NKAIN2: variants seen among roughly 807,000 people sequenced by gnomAD.
The protein encoded by NKAIN2 is sodium/potassium-transporting ATPase subunit beta-1-interacting protein 2.
A neutral mutation model predicts 32.6 loss-of-function variants in NKAIN2; 14 were observed. That is an observed-to-expected ratio of 0.43 (90% CI 0.28 to 0.67). NKAIN2 has a LOEUF of 0.67. Among genes scored for constraint, NKAIN2 ranks in the 30% least tolerant of loss-of-function variants. The pLI is 0.17. For missense variants in NKAIN2, 198 were observed against 258.3 expected, an observed-to-expected ratio of 0.77 and a Z score of 1.60; for synonymous variants, 80 against 87.2, an observed-to-expected ratio of 0.92 and a Z score of 0.46.
chr6:123,991,010 G>A (rs1779387790), intron 1 of NKAIN2, among the ~76,000 whole-genome samples: 1 of 152,044 alleles, frequency 6.6e-6, no homozygotes, highest in Non-Finnish European at 1.5e-5. Flanking sequence ...ATCTTCCAAA[G>A]GCATAAATTT....
At chr6:123,887,985 C>CTTAAA (rs1394999845) in intron 1 of NKAIN2, among the ~76,000 whole-genome samples, 2 of 152,040 alleles carry the variant, frequency 1.3e-5, no homozygotes, top group Admixed American at 1.3e-4. Flanking sequence ...GATGAGAATA[C>CTTAAA]TACTCGTATT....
At chr6:123,882,892 G>A (rs1436893297) in intron 1 of NKAIN2, among the ~76,000 whole-genome samples, 1 of 152,168 alleles carries the variant, frequency 6.6e-6, no homozygotes, top group East Asian at 1.9e-4. Context: ...ATCATGTTCA[G>A]TAAATTCACA....
intron 1 of NKAIN2, among the ~76,000 whole-genome samples, chr6:124,264,540 T>G (rs1465689679): frequency 1.3e-5 from 2 of 152,218 alleles, no homozygotes; most frequent in African/African-American, 2.4e-5. Flanking sequence ...TTATTTCAAA[T>G]GGCCAATTGC....
At chr6:124,379,683 C>A (rs1347672491) in intron 3 of NKAIN2, among the ~76,000 whole-genome samples, 1 of 152,076 alleles carries the variant, frequency 6.6e-6, no homozygotes, top group Non-Finnish European at 1.5e-5. Flanking sequence ...TACAAAACAT[C>A]TCTACAGAAG....
intron 1 of NKAIN2, among the ~76,000 whole-genome samples, chr6:124,143,138 C>T (rs934356980): frequency 6.6e-6 from 1 of 152,186 alleles, no homozygotes; most frequent in Admixed American, 6.5e-5. Context: ...CATATGTTTG[C>T]TTCCAGAATG....
At chr6:124,602,035 C>T (rs985946082) in intron 3 of NKAIN2, among the ~76,000 whole-genome samples, 25 of 152,052 alleles carry the variant, frequency 1.6e-4, no homozygotes, top group Admixed American at 1.4e-3. Context: ...CATCACAGGA[C>T]ATATCTGAAG....
At chr6:124,521,728 AG>A (rs1055240676) in intron 3 of NKAIN2, among the ~76,000 whole-genome samples, 9 of 152,336 alleles carry the variant, frequency 5.9e-5, no homozygotes, top group African/African-American at 2.2e-4. Context: ...AATCAAGAAC[AG>A]GTAAAATATT....
At chr6:124,712,767 C>A (rs976235282) in intron 4 of NKAIN2, among the ~76,000 whole-genome samples, 1 of 151,968 alleles carries the variant, frequency 6.6e-6, no homozygotes, top group African/African-American at 2.4e-5. Flanking sequence ...CTGTCCTCTG[C>A]GCCACTCATG....
intron 1 of NKAIN2, among the ~76,000 whole-genome samples, chr6:123,894,650 T>C (rs762950106): frequency 3.3e-5 from 5 of 152,088 alleles, no homozygotes; most frequent in Non-Finnish European, 7.4e-5. Flanking sequence ...GGGACAGCTC[T>C]TGGGGGACTT....
chr6:124,516,513 T>C (rs1428873331), intron 3 of NKAIN2, among the ~76,000 whole-genome samples: 1 of 152,222 alleles, frequency 6.6e-6, no homozygotes, highest in African/African-American at 2.4e-5. Context: ...CCTTAGGATA[T>C]TCATGTTTGT....
intron 3 of NKAIN2, among the ~76,000 whole-genome samples, chr6:124,537,759 T>A (rs1339071217): frequency 6.6e-6 from 1 of 152,190 alleles, no homozygotes; most frequent in Non-Finnish European, 1.5e-5. Flanking sequence ...AGAAATAAGC[T>A]CATGATTATC....
At chr6:123,823,853 A>C (rs75014534) in intron 1 of NKAIN2, among the ~76,000 whole-genome samples, 1 of 152,300 alleles carries the variant, frequency 6.6e-6, no homozygotes, top group East Asian at 1.9e-4. Context: ...TTTGGATTTG[A>C]AATTCAGGGA....
At chr6:124,331,831 A>G (rs1189684180) in intron 2 of NKAIN2, among the ~76,000 whole-genome samples, 3 of 152,196 alleles carry the variant, frequency 2.0e-5, no homozygotes, top group Non-Finnish European at 4.4e-5. Flanking sequence ...GAATTTGATA[A>G]AGATACAATG....
intron 3 of NKAIN2, among the ~76,000 whole-genome samples, chr6:124,423,165 G>T: frequency 6.6e-6 from 1 of 152,218 alleles, no homozygotes. Flanking sequence ...GCTGGAAATT[G>T]AATTTTCTAT....
At chr6:123,877,984 T>G (rs1303043856) in intron 1 of NKAIN2, among the ~76,000 whole-genome samples, 1 of 152,162 alleles carries the variant, frequency 6.6e-6, no homozygotes, top group Non-Finnish European at 1.5e-5. Context: ...CCCAGCACTT[T>G]GGGAGGCTGT....
At chr6:124,012,555 C>T (rs556227473) in intron 1 of NKAIN2, among the ~76,000 whole-genome samples, 3 of 151,980 alleles carry the variant, frequency 2.0e-5, no homozygotes, top group Non-Finnish European at 4.4e-5. Flanking sequence ...AGACTGGTCT[C>T]GAACTCCTGA....
intron 3 of NKAIN2, among the ~76,000 whole-genome samples, chr6:124,508,366 A>C (rs1192343287): frequency 6.6e-6 from 1 of 150,432 alleles, no homozygotes; most frequent in Admixed American, 6.6e-5. Context: ...CTTTTTTGAG[A>C]TGGAGTCTCG....
intron 3 of NKAIN2, among the ~76,000 whole-genome samples, chr6:124,438,800 T>C (rs2114588784): frequency 6.6e-6 from 1 of 152,280 alleles, no homozygotes; most frequent in Middle Eastern, 3.4e-3. Flanking sequence ...ACACCCTCTT[T>C]CTTGAAACAT....
At chr6:124,355,222 G>T in intron 2 of NKAIN2, 45 bp from the exon 3 acceptor site, 1 of 1,279,034 alleles carries the variant, frequency 7.8e-7, no homozygotes, top group South Asian at 1.2e-5. Flanking sequence ...ATACTCAACT[G>T]ATTCCAAATT....
Sources: allele counts gnomAD v4.1 joint callset (sites outside exome capture counted in the v4.1 genomes callset), GRCh38; gene constraint gnomAD v4.1.1; transcripts MANE v1.5; gene names NCBI Gene and HGNC (gene_info 2026-07-23, HGNC 2026-07-21).